The following NCF2 variants were observed in gnomAD, a reference collection of about 807,000 sequenced individuals.
The protein encoded by NCF2 is neutrophil cytosolic factor 2, also known as neutrophil cytosol factor 2.
A neutral mutation model predicts 70.9 loss-of-function variants in NCF2; 45 were observed. The observed-to-expected ratio is 0.63, with a 90% CI of 0.50 to 0.81. The LOEUF is 0.81. Ranked by LOEUF, NCF2 falls within the 40% of genes least tolerant of loss-of-function variation. The pLI, the probability that NCF2 is intolerant of heterozygous loss-of-function variation, is 0.00. For missense variants in NCF2, 522 were observed against 631.6 expected (o/e 0.83, Z 1.86); for synonymous variants, 203 against 233.6 (o/e 0.87, Z 1.19).
At chr1:183,567,678 G>C (rs1407006426) in intron 7 of NCF2, among the ~76,000 whole-genome samples, 2 of 152,216 alleles carry the variant, frequency 1.3e-5, no homozygotes, top group Non-Finnish European at 2.9e-5. Flanking sequence ...CCAAGGCTGG[G>C]CTGGGGTGGG....
intron 13 of NCF2, 84 bp downstream of exon 13, chr1:183,563,111 C>T (rs915300075): frequency 6.4e-6 from 8 of 1,247,976 alleles, no homozygotes; most frequent in Middle Eastern, 1.8e-4. Context: ...GTGCCTAGTA[C>T]ACAGAAGGTG....
intron 3 of NCF2, among the ~76,000 whole-genome samples, chr1:183,576,757 CTAT>C (rs1329889528): frequency 3.3e-5 from 5 of 152,176 alleles, no homozygotes; most frequent in African/African-American, 1.2e-4. Flanking sequence ...GCTACAGACT[CTAT>C]TATTAGCCCT....
chr1:183,581,341 C>T, intron 2 of NCF2, among the ~76,000 whole-genome samples: 1 of 141,488 alleles, frequency 7.1e-6, no homozygotes, highest in East Asian at 2.1e-4. Flanking sequence ...ACCAAAAAAA[C>T]AGGGTGGGGC....
intron 1 of NCF2, among the ~76,000 whole-genome samples, chr1:183,589,558 A>G (rs1451602631): frequency 6.6e-6 from 1 of 152,236 alleles, no homozygotes; most frequent in Non-Finnish European, 1.5e-5. Context: ...AACATAACGA[A>G]AAAGATGCGA....
At chr1:183,581,828 C>G (rs1351287797) in intron 2 of NCF2, among the ~76,000 whole-genome samples, 1 of 152,112 alleles carries the variant, frequency 6.6e-6, no homozygotes, top group Non-Finnish European at 1.5e-5. Context: ...CCACCGCGCC[C>G]GGCTAATTTT....
chr1:183,559,383 T>C (rs754890421), intron 14 of NCF2, among the ~76,000 whole-genome samples: 1 of 152,216 alleles, frequency 6.6e-6, no homozygotes, highest in Non-Finnish European at 1.5e-5. Flanking sequence ...TAGTTCTGAA[T>C]AGCTGGTTTT....
chr1:183,562,004 C>T (rs1367079158), intron 13 of NCF2, among the ~76,000 whole-genome samples: 1 of 151,878 alleles, frequency 6.6e-6, no homozygotes, highest in African/African-American at 2.4e-5. Flanking sequence ...CATGTTGCCT[C>T]AGCCTCCCAA....
chr1:183,556,755 C>T (rs1158389296), intron 14 of NCF2, among the ~76,000 whole-genome samples: 3 of 152,158 alleles, frequency 2.0e-5, no homozygotes, highest in Non-Finnish European at 4.4e-5. Context: ...TCTCAAACTC[C>T]TGGGCTCAAG....
At chr1:183,567,584 C>T (rs1171717670) in intron 7 of NCF2, 1 of 633,502 alleles carries the variant, frequency 1.6e-6, no homozygotes, top group Non-Finnish European at 2.9e-6. Flanking sequence ...AACCCCACAA[C>T]ACTAGATAGT....
rs1671753436 is a variant in NCF2, at chr1:183,556,004, A to AGTT, written c.*111_*113dup. 1.1e-6 allele frequency: 1 copy of AGTT among 890,654 alleles called. No individual in the cohort carries two copies. Among genetic ancestry groups the AGTT allele is most frequent in the South Asian group, 1.4e-5 (1 of 71,908 alleles). 55.2% of individuals were successfully genotyped at this position (890,654 alleles called of 1,614,324 possible). A position where few individuals can be genotyped will look rare whatever the true frequency, so the allele number is the denominator to read the frequency against. ...GGTTAAATTTTAACAGGGAATAAAT[A>AGTT]GTTAACACTTCCAAACTGTAATGTC... On this transcript the variant is annotated 3_prime_UTR_variant, in exon 15 of 15. Transcript: ENST00000367535.
At chr1:183,558,084 A>C (rs1365830260) in intron 14 of NCF2, among the ~76,000 whole-genome samples, 1 of 151,916 alleles carries the variant, frequency 6.6e-6, no homozygotes, top group Admixed American at 6.6e-5. Context: ...CATGTTGGCC[A>C]GGCTGGTCTC....
chr1:183,563,677 G>A, intron 11 of NCF2, 92 bp from the exon 12 acceptor site: 1 of 1,511,668 alleles, frequency 6.6e-7, no homozygotes, highest in Non-Finnish European at 9.1e-7. Flanking sequence ...TGGCACAGGG[G>A]GTACCCAATA....
chr1:183,557,689 C>T (rs1671853192), intron 14 of NCF2, among the ~76,000 whole-genome samples: 1 of 152,204 alleles, frequency 6.6e-6, no homozygotes, highest in Admixed American at 6.5e-5. Context: ...CTCTCCATAT[C>T]TACCCAAAAG....
At chr1:183,595,558 C>A (rs932774601), upstream of NCF2, among the ~76,000 whole-genome samples, 1 of 152,178 alleles carries the variant, frequency 6.6e-6, no homozygotes, top group African/African-American at 2.4e-5. Flanking sequence ...ATCTAGGCTG[C>A]TTTCTCATCT....
rs1407435512 is a variant in NCF2, at chr1:183,566,991, G to C, written c.856-3C>G. On this transcript the variant is annotated splice_region_variant and splice_polypyrimidine_tract_variant and intron_variant, in intron 8 of 14. Coordinates refer to ENST00000367535, the MANE Select transcript of NCF2 (RefSeq NM_000433.4). ...TAGTTGCAGGGAACAAGCCCCTTCT[G>C]CAGTGCAGCACCACAGAATCAGAAA... The C allele has an allele frequency of 6.2e-7, 1 of 1,614,194 alleles. No homozygotes were observed. Among genetic ancestry groups the C allele is most frequent in the South Asian group, 1.1e-5 (1 of 91,084 alleles).
At chr1:183,592,813 A>C (rs950019564), upstream of NCF2, among the ~76,000 whole-genome samples, 1 of 152,144 alleles carries the variant, frequency 6.6e-6, no homozygotes, top group Non-Finnish European at 1.5e-5. Context: ...TTCTAGCCTT[A>C]TCCCCAGAAC....
At position 183,563,458 on chromosome 1, in the gene NCF2, AGCTC is replaced by A; in HGVS notation, c.1150_1153del (p.Glu384SerfsTer8). 6.2e-7 allele frequency: 1 copy of A among 1,614,144 alleles called. No individual in the cohort carries two copies. The highest frequency in any genetic ancestry group is 8.5e-7 in the Non-Finnish European group (1 of 1,180,034). On this transcript the variant is annotated frameshift_variant, in exon 12 of 15. Transcript: ENST00000367535. LOFTEE classifies it high-confidence loss of function. ...CCTCAGCTTAGTGTGTTCCAGCCGG[AGCTC>A]CAGTTTCTTAGACACCATGTCCCGG...
chr1:183,577,698 C>T lies in NCF2; in HGVS notation c.267G>A (p.Leu89=). The change falls in exon 3 of 15, where the codon TTG becomes TTA. Residue 89 remains leucine, a synonymous_variant. Coordinates refer to ENST00000367535, the MANE Select transcript of NCF2 (RefSeq NM_000433.4). Reference sequence around the variant, plus strand: ...AGGCTTCTTTAAGGTCTTTGATAGCCAAATCATATCTGCAGGACAGAGGGA... The same window carrying T: ...AGGCTTCTTTAAGGTCTTTGATAGCTAAATCATATCTGCAGGACAGAGGGA... ...MLYYQTEKYD[L]AIKDLKEALI... 4 of 1,607,864 alleles carry T rather than the reference C, an allele frequency of 2.5e-6. No individual in the cohort carries two copies. The highest frequency in any genetic ancestry group is 3.4e-6 in the Non-Finnish European group (4 of 1,174,312).
rs72550876 is a variant in NCF2, at chr1:183,563,366, C to T, written c.1179-60G>A. 8.5e-4 allele frequency: 1,374 copies of T among 1,613,802 alleles called. 4 individuals are homozygous for T. Among genetic ancestry groups the T allele is most frequent in the Middle Eastern group, 4.0e-3 (24 of 6,062 alleles). On this transcript the variant is annotated intron_variant, in intron 12 of 14. Transcript: ENST00000367535. Reference sequence around the variant, plus strand: ...GAACATCATCACAAAAACCATCCTCCTCTTCCCTCCTCCAGGCCAGCACAA... The same window carrying T: ...GAACATCATCACAAAAACCATCCTCTTCTTCCCTCCTCCAGGCCAGCACAA...
Sources: allele counts gnomAD v4.1 joint callset (sites outside exome capture counted in the v4.1 genomes callset), GRCh38; gene constraint gnomAD v4.1.1; transcripts MANE v1.5; gene names NCBI Gene and HGNC (gene_info 2026-07-23, HGNC 2026-07-21).